OXR1: variants seen among roughly 807,000 people sequenced by gnomAD.
The protein encoded by OXR1 is oxidation resistance 1, also known as oxidation resistance protein 1.
A neutral mutation model predicts 104.6 loss-of-function variants in OXR1; 41 were observed. That is an observed-to-expected ratio of 0.39 (90% CI 0.31 to 0.51). The LOEUF is 0.51. Ranked by LOEUF, OXR1 falls within the 20% of genes least tolerant of loss-of-function variation. OXR1 has a pLI of 0.77. For missense variants in OXR1, 955 were observed against 1,031.9 expected (o/e 0.93, Z 1.02); for synonymous variants, 348 against 348.4 (o/e 1.00, Z 0.01).
intron 1 of OXR1, among the ~76,000 whole-genome samples, chr8:106,352,169 T>C (rs1336123250): frequency 2.0e-5 from 3 of 152,116 alleles, no homozygotes; most frequent in South Asian, 2.1e-4. Flanking sequence ...TGGATAGAGG[T>C]AGTGAGAATG....
intron 7 of OXR1, among the ~76,000 whole-genome samples, chr8:106,699,369 T>C (rs1294650394): frequency 6.6e-6 from 1 of 152,192 alleles, no homozygotes; most frequent in Non-Finnish European, 1.5e-5. Flanking sequence ...TGGACAGTGC[T>C]CATTTCTGGG....
intron 6 of OXR1, among the ~76,000 whole-genome samples, chr8:106,687,713 CA>C (rs59561453): frequency 0.012 from 1,507 of 126,892 alleles, 20 homozygotes; most frequent in African/African-American, 0.039. Context: ...GACTCTGTCT[CA>C]AAAAAAAAAA....
chr8:106,357,699 G>A (rs1292391176), intron 1 of OXR1, among the ~76,000 whole-genome samples: 1 of 151,966 alleles, frequency 6.6e-6, no homozygotes, highest in African/African-American at 2.4e-5. Flanking sequence ...AATAGGGCAC[G>A]AGAAATATTT....
intron 3 of OXR1, among the ~76,000 whole-genome samples, chr8:106,610,102 T>C (rs1820702528): frequency 9.6e-6 from 1 of 103,882 alleles, no homozygotes; most frequent in African/African-American, 3.1e-5. Context: ...AACCTTTTGA[T>C]TTTTTTTTTT....
At chr8:106,547,585 C>A (rs1815468461) in intron 3 of OXR1, among the ~76,000 whole-genome samples, 1 of 150,790 alleles carries the variant, frequency 6.6e-6, no homozygotes, top group Non-Finnish European at 1.5e-5. Flanking sequence ...CCTCTGCCTC[C>A]CGAGTCCAAG....
chr8:106,618,969 A>C (rs1008468340), intron 3 of OXR1, among the ~76,000 whole-genome samples: 1 of 152,138 alleles, frequency 6.6e-6, no homozygotes, highest in Non-Finnish European at 1.5e-5. Context: ...AATGGAAGGA[A>C]TAAAGATATA....
chr8:106,399,764 GTCAAGTAAATTAC>G (rs1464379557), intron 2 of OXR1, among the ~76,000 whole-genome samples: 15 of 152,060 alleles, frequency 9.9e-5, no homozygotes, highest in African/African-American at 3.6e-4. Context: ...GCACAAAGAA[GTCAAGTAAATTAC>G]TCAAGGCCAC....
intron 3 of OXR1, among the ~76,000 whole-genome samples, chr8:106,636,780 C>A (rs1266926904): frequency 6.6e-6 from 1 of 152,176 alleles, no homozygotes; most frequent in African/African-American, 2.4e-5. Flanking sequence ...TTGGTTTCAA[C>A]TGTGAAGCAG....
intron 3 of OXR1, among the ~76,000 whole-genome samples, chr8:106,592,398 G>T (rs1563628528): frequency 6.6e-6 from 1 of 152,182 alleles, no homozygotes; most frequent in Admixed American, 6.5e-5. Flanking sequence ...TGCTTTCCAT[G>T]ATTTCTTTCA....
chr8:106,590,272 G>T (rs72680983), intron 3 of OXR1, among the ~76,000 whole-genome samples: 1 of 151,642 alleles, frequency 6.6e-6, no homozygotes, highest in Non-Finnish European at 1.5e-5. Context: ...CAGGTTTTTG[G>T]TTTTTGTTGT....
At chr8:106,302,276 A>G (rs1447710672) in intron 1 of OXR1, among the ~76,000 whole-genome samples, 1 of 152,056 alleles carries the variant, frequency 6.6e-6, no homozygotes, top group African/African-American at 2.4e-5. Flanking sequence ...TGGTGGATCT[A>G]TGCCTTAAAA....
intron 2 of OXR1, among the ~76,000 whole-genome samples, chr8:106,468,904 T>C (rs74339773): frequency 0.016 from 2,495 of 151,822 alleles, 61 homozygotes; most frequent in African/African-American, 0.056. Flanking sequence ...CTCATGAAAA[T>C]CAAGGGCAGA....
chr8:106,353,754 A>G (rs1287489333), intron 1 of OXR1, among the ~76,000 whole-genome samples: 1 of 152,172 alleles, frequency 6.6e-6, no homozygotes, highest in African/African-American at 2.4e-5. Flanking sequence ...ACATTAAAAA[A>G]TCTGCTGTCT....
At chr8:106,492,555 G>A (rs1811160190) in intron 2 of OXR1, among the ~76,000 whole-genome samples, 2 of 152,118 alleles carry the variant, frequency 1.3e-5, no homozygotes, top group Admixed American at 1.3e-4. Flanking sequence ...GCTACTTGAA[G>A]GTCACCTGCA....
intron 2 of OXR1, among the ~76,000 whole-genome samples, chr8:106,377,365 T>G (rs1382122352): frequency 6.6e-6 from 1 of 151,946 alleles, no homozygotes; most frequent in Non-Finnish European, 1.5e-5. Context: ...AAAAAAAAAT[T>G]TATAGAGATG....
chr8:106,671,875 G>A (rs201399591), intron 3 of OXR1, among the ~76,000 whole-genome samples: 3 of 150,374 alleles, frequency 2.0e-5, no homozygotes, highest in Non-Finnish European at 3.0e-5. Context: ...TGTAAATGAC[G>A]AGTTAATGAG....
chr8:106,315,000 T>C (rs544658323), intron 1 of OXR1, among the ~76,000 whole-genome samples: 16 of 152,258 alleles, frequency 1.1e-4, no homozygotes, highest in Middle Eastern at 6.8e-3. Context: ...CTAAGCAAAC[T>C]GTTTTAAGCA....
At chr8:106,415,867 T>G (rs148423249) in intron 2 of OXR1, among the ~76,000 whole-genome samples, 129 of 152,310 alleles carry the variant, frequency 8.5e-4, no homozygotes, top group African/African-American at 2.9e-3. Flanking sequence ...GTTTGATGCA[T>G]AGCATGGCAT....
At chr8:106,713,495 T>C (rs1831921530) in intron 10 of OXR1, among the ~76,000 whole-genome samples, 1 of 151,948 alleles carries the variant, frequency 6.6e-6, no homozygotes, top group South Asian at 2.1e-4. Context: ...ATTGTAGGAA[T>C]GAGGTCAAAG....
Sources: gnomAD v4.1 joint callset for allele counts (sites outside exome capture counted in the v4.1 genomes callset) on GRCh38, gnomAD v4.1.1 for gene constraint, MANE v1.5 for transcripts, NCBI Gene and HGNC (gene_info 2026-07-23, HGNC 2026-07-21) for gene names.